TRMT11: variants seen among roughly 807,000 people sequenced by gnomAD.
The protein encoded by TRMT11 is tRNA (guanine(10)-N(2))-methyltransferase TRMT11.
In TRMT11, 53 loss-of-function variants were observed where a neutral mutation model predicts 62.8. The observed-to-expected ratio is 0.84, with a 90% CI of 0.68 to 1.06. The LOEUF (loss-of-function observed/expected upper bound fraction) is 1.06, where lower values mean the gene tolerates loss of function less well. Ranked by LOEUF, TRMT11 falls within the 50% of genes least tolerant of loss-of-function variation. TRMT11 has a pLI of 0.00. For missense variants in TRMT11, 556 were observed against 553.4 expected (o/e 1.00, Z -0.05); for synonymous variants, 188 against 190.3 (o/e 0.99, Z 0.10).
intron 17 of TRMT11, among the ~76,000 whole-genome samples, chr6:126,089,259 G>A (rs1345499054): frequency 6.6e-6 from 1 of 151,826 alleles, no homozygotes; most frequent in Non-Finnish European, 1.5e-5. Flanking sequence ...GATTACAGGC[G>A]CCTGCCACCG....
chr6:126,224,219 T>C, the TRMT11 span, among the ~76,000 whole-genome samples: 1 of 152,230 alleles, frequency 6.6e-6, no homozygotes, highest in Non-Finnish European at 1.5e-5. Flanking sequence ...AAAGACACTC[T>C]AGCTTCTTGA....
At chr6:125,988,701 A>T (rs1020883552) in intron 1 of TRMT11, among the ~76,000 whole-genome samples, 1 of 152,202 alleles carries the variant, frequency 6.6e-6, no homozygotes, top group African/African-American at 2.4e-5. Flanking sequence ...AAGGAAAAGT[A>T]AAACGATTGA....
rs771541819 is a variant in TRMT11 at position 126,008,524 on chromosome 6, AC to A, written c.760+54del. On this transcript the variant is annotated intron_variant, in intron 8 of 12. Coordinates refer to ENST00000334379, the MANE Select transcript of TRMT11 (RefSeq NM_001031712.3). ...TAGTCATTGCTGTGGTGCCAAATGT[AC>A]CTTTAAACATACAGTTGACCCTGGA... 3.5e-6 allele frequency: 5 copies of A among 1,437,188 alleles called. No individual in the cohort carries two copies. The Admixed American group carries it at 8.4e-5, about 24-fold the overall frequency. 89.0% of individuals were successfully genotyped at this position (1,437,188 alleles called of 1,614,324 possible).
intron 17 of TRMT11, among the ~76,000 whole-genome samples, chr6:126,058,038 T>C (rs775261752): frequency 3.9e-5 from 6 of 151,986 alleles, no homozygotes; most frequent in Non-Finnish European, 8.8e-5. Context: ...ACACATGCCA[T>C]GGTGGTTTGC....
chr6:126,026,802 GTTT>G (rs1222722212), intron 12 of TRMT11, among the ~76,000 whole-genome samples: 7 of 121,728 alleles, frequency 5.8e-5, no homozygotes, highest in African/African-American at 9.9e-5. Flanking sequence ...GGTTTTTTGG[GTTT>G]TTTTTTTTTT....
intron 21 of TRMT11, among the ~76,000 whole-genome samples, chr6:126,121,854 C>A (rs113109302): frequency 6.6e-6 from 1 of 152,140 alleles, no homozygotes; most frequent in Non-Finnish European, 1.5e-5. Flanking sequence ...AACCACCCCC[C>A]ACTCCGCCAC....
intron 1 of TRMT11, among the ~76,000 whole-genome samples, chr6:126,184,253 A>G (rs1778501318): frequency 6.6e-6 from 1 of 152,140 alleles, no homozygotes; most frequent in South Asian, 2.1e-4. Flanking sequence ...TTGTACTTTG[A>G]TACACTAGAG....
At chr6:126,215,666 GAGCTT>G in the TRMT11 span, among the ~76,000 whole-genome samples, 1 of 151,864 alleles carries the variant, frequency 6.6e-6, no homozygotes, top group African/African-American at 2.4e-5. Context: ...TTTGATTAGA[GAGCTT>G]AGTTCATTAG....
chr6:126,066,383 C>T (rs1193101627), intron 17 of TRMT11, among the ~76,000 whole-genome samples: 4 of 152,218 alleles, frequency 2.6e-5, no homozygotes, highest in Non-Finnish European at 5.9e-5. Context: ...AGAAGCTGGA[C>T]GTCCAAGATC....
intron 17 of TRMT11, among the ~76,000 whole-genome samples, chr6:126,066,727 C>T (rs1776702901): frequency 2.0e-5 from 3 of 152,182 alleles, no homozygotes; most frequent in African/African-American, 7.2e-5. Flanking sequence ...CTTGTAAGCC[C>T]TAGGTGAATT....
At chr6:126,260,960 T>G in the TRMT11 span, among the ~76,000 whole-genome samples, 1 of 152,194 alleles carries the variant, frequency 6.6e-6, no homozygotes, top group Non-Finnish European at 1.5e-5. Context: ...AATCTGGATG[T>G]TTGTATATCT....
chr6:126,085,311 A>G (rs1057210765), intron 17 of TRMT11, among the ~76,000 whole-genome samples: 3 of 152,138 alleles, frequency 2.0e-5, no homozygotes, highest in African/African-American at 7.2e-5. Flanking sequence ...CAGGGATCTG[A>G]CTTGGTTTCT....
At chr6:126,172,984 A>C (rs1316690224), upstream of TRMT11, among the ~76,000 whole-genome samples, 4 of 152,140 alleles carry the variant, frequency 2.6e-5, no homozygotes, top group Admixed American at 2.6e-4. Context: ...GATGTGTACA[A>C]TATGTAGGTA....
intron 17 of TRMT11, among the ~76,000 whole-genome samples, chr6:126,090,984 G>A (rs1420118560): frequency 1.3e-5 from 2 of 152,158 alleles, no homozygotes; most frequent in African/African-American, 2.4e-5. Context: ...GCAAAGGCTT[G>A]CGGATAACTT....
chr6:126,159,275 G>A (rs932711463), intron 21 of TRMT11, among the ~76,000 whole-genome samples: 1 of 152,048 alleles, frequency 6.6e-6, no homozygotes, highest in Non-Finnish European at 1.5e-5. Flanking sequence ...AATGGTGATG[G>A]CACTCTGGGC....
At chr6:126,065,478 C>G (rs1034823090) in intron 17 of TRMT11, among the ~76,000 whole-genome samples, 12 of 152,116 alleles carry the variant, frequency 7.9e-5, no homozygotes, top group Non-Finnish European at 1.8e-4. Context: ...ACCTTATAAC[C>G]TACACTTTAA....
At chr6:126,026,822 A>C (rs1419286436) in intron 12 of TRMT11, among the ~76,000 whole-genome samples, 1 of 85,788 alleles carries the variant, frequency 1.2e-5, no homozygotes, top group African/African-American at 7.4e-5. Context: ...TTTTTTTTTG[A>C]GACGGAGTCT....
chr6:126,235,023 C>T, the TRMT11 span, among the ~76,000 whole-genome samples: 2 of 152,086 alleles, frequency 1.3e-5, no homozygotes, highest in Admixed American at 6.5e-5. Context: ...ATGAACAACC[C>T]TATTAGAAAG....
chr6:126,094,791 ACC>A (rs1377162154), intron 17 of TRMT11, among the ~76,000 whole-genome samples: 2 of 152,136 alleles, frequency 1.3e-5, no homozygotes, highest in African/African-American at 4.8e-5. Flanking sequence ...TCTATTTTCT[ACC>A]TAATTAATCA....
Sources: allele counts gnomAD v4.1 joint callset (sites outside exome capture counted in the v4.1 genomes callset), GRCh38; gene constraint gnomAD v4.1.1; transcripts MANE v1.5; gene names NCBI Gene and HGNC (gene_info 2026-07-23, HGNC 2026-07-21).